PAPPA: variants seen among roughly 807,000 people sequenced by gnomAD.
PAPPA encodes the protein pappalysin-1.
A neutral mutation model predicts 164.0 loss-of-function variants in PAPPA; 60 were observed. The observed-to-expected ratio is 0.37, with a 90% CI of 0.30 to 0.45. The LOEUF is 0.45. Ranked by LOEUF, PAPPA falls within the 20% of genes least tolerant of loss-of-function variation. PAPPA has a pLI of 1.00. For synonymous variants in PAPPA, 875 were observed against 814.1 expected (o/e 1.07, Z -1.27); for missense variants, 1,782 against 2,087.3 (o/e 0.85, Z 2.85).
At chr9:116,208,965 G>C (rs1441371096) in intron 3 of PAPPA, among the ~76,000 whole-genome samples, 1 of 152,108 alleles carries the variant, frequency 6.6e-6, no homozygotes, top group Admixed American at 6.6e-5. Context: ...AGATGTTTTT[G>C]CTTCTTACAA....
chr9:116,218,760 A>G (rs1236787279), intron 4 of PAPPA, among the ~76,000 whole-genome samples: 2 of 152,190 alleles, frequency 1.3e-5, no homozygotes, highest in South Asian at 4.1e-4. Flanking sequence ...ATTGATCAGA[A>G]GCATGGCCTT....
At chr9:116,368,899 T>C (rs1588023415) in intron 19 of PAPPA, among the ~76,000 whole-genome samples, 1 of 152,278 alleles carries the variant, frequency 6.6e-6, no homozygotes, top group South Asian at 2.1e-4. Flanking sequence ...CAGGGCTTAC[T>C]CAGCACTCCG....
intron 1 of PAPPA, among the ~76,000 whole-genome samples, chr9:116,173,315 A>G (rs548720005): frequency 6.6e-6 from 1 of 152,284 alleles, no homozygotes; most frequent in Non-Finnish European, 1.5e-5. Flanking sequence ...TTGTGCTCAC[A>G]TTTCACCCTC....
intron 10 of PAPPA, among the ~76,000 whole-genome samples, chr9:116,303,633 G>T (rs1263604196): frequency 6.6e-6 from 1 of 152,102 alleles, no homozygotes; most frequent in African/African-American, 2.4e-5. Flanking sequence ...TGCCTTCCCC[G>T]AGACTCAAAT....
intron 1 of PAPPA, among the ~76,000 whole-genome samples, chr9:116,168,514 G>A (rs1350317637): frequency 6.6e-6 from 1 of 152,176 alleles, no homozygotes; most frequent in East Asian, 1.9e-4. Flanking sequence ...GAGTGAAAAA[G>A]TGCTCTGAAA....
intron 10 of PAPPA, among the ~76,000 whole-genome samples, chr9:116,329,841 G>A (rs1321147934): frequency 6.6e-6 from 1 of 152,048 alleles, no homozygotes; most frequent in Non-Finnish European, 1.5e-5. Context: ...TATGAATCCA[G>A]TTTATTTCTC....
At chr9:116,360,929 T>C (rs559487995) in intron 17 of PAPPA, among the ~76,000 whole-genome samples, 8 of 152,200 alleles carry the variant, frequency 5.3e-5, no homozygotes, top group African/African-American at 1.2e-4. Context: ...CCATGCAGAA[T>C]TGAGATGGCA....
At chr9:116,329,272 T>G (rs1305649921) in intron 10 of PAPPA, among the ~76,000 whole-genome samples, 1 of 152,180 alleles carries the variant, frequency 6.6e-6, no homozygotes, top group Non-Finnish European at 1.5e-5. Flanking sequence ...CCCACTGTAC[T>G]GAACACATTG....
chr9:116,181,360 C>G (rs1843902969), intron 1 of PAPPA, among the ~76,000 whole-genome samples: 1 of 150,922 alleles, frequency 6.6e-6, no homozygotes, highest in Non-Finnish European at 1.5e-5. Context: ...CTCTTTCTCT[C>G]TCTCTCTCAC....
At chr9:116,330,081 A>C (rs1195626628) in intron 10 of PAPPA, among the ~76,000 whole-genome samples, 1 of 152,016 alleles carries the variant, frequency 6.6e-6, no homozygotes, top group Non-Finnish European at 1.5e-5. Context: ...ACTTTTTTTC[A>C]ATAGCATATG....
At chr9:116,197,339 G>T (rs1057473629) in intron 2 of PAPPA, among the ~76,000 whole-genome samples, 1 of 152,126 alleles carries the variant, frequency 6.6e-6, no homozygotes, top group African/African-American at 2.4e-5. Context: ...GCCTTCAGAG[G>T]ATTGACCAGC....
At chr9:116,240,759 TG>T (rs1463499981) in intron 7 of PAPPA, among the ~76,000 whole-genome samples, 2 of 152,208 alleles carry the variant, frequency 1.3e-5, no homozygotes, top group Non-Finnish European at 2.9e-5. Context: ...GGGGCAAAGC[TG>T]GGGTCTGTAA....
At chr9:116,196,246 T>C (rs193072587) in intron 2 of PAPPA, among the ~76,000 whole-genome samples, 2 of 152,326 alleles carry the variant, frequency 1.3e-5, no homozygotes, top group East Asian at 3.9e-4. Flanking sequence ...TTCATCCCTT[T>C]CCCAAATGTT....
intron 1 of PAPPA, among the ~76,000 whole-genome samples, chr9:116,184,129 A>G (rs1348640540): frequency 6.6e-6 from 1 of 152,130 alleles, no homozygotes; most frequent in East Asian, 1.9e-4. Flanking sequence ...TAGCTGGGAG[A>G]GAGAGAGAAG....
At chr9:116,216,287 G>T (rs1196469410) in intron 4 of PAPPA, among the ~76,000 whole-genome samples, 2 of 152,176 alleles carry the variant, frequency 1.3e-5, no homozygotes, top group Non-Finnish European at 2.9e-5. Context: ...AAATGTGGCT[G>T]ACGGGGGGTC....
chr9:116,163,554 C>G (rs1391517039), intron 1 of PAPPA, among the ~76,000 whole-genome samples: 1 of 152,164 alleles, frequency 6.6e-6, no homozygotes, highest in East Asian at 1.9e-4. Flanking sequence ...ATTATTTGCA[C>G]TAAAGACACT....
rs1391143146 is a variant in PAPPA at position 116,271,167 on chromosome 9, A to G, written c.2862-158A>G. Among the ~76,000 whole-genome samples, 1 of 152,230 alleles carries G rather than the reference A, an allele frequency of 6.6e-6. No individual in the cohort carries two copies. The highest frequency in any genetic ancestry group is 1.5e-5 in the Non-Finnish European group (1 of 68,052). ...TATCTTATAAATCCATACCTTTTAG[A>G]AATCTCATTTTGAAGATGAAGAAGC... is the stretch of plus-strand genomic sequence containing the variant. On this transcript the variant is annotated intron_variant, in intron 8 of 21. Transcript: ENST00000328252. The surrounding 1 kb of genome is among the most constrained non-coding windows in gnomAD (Gnocchi z 4.2).
At chr9:116,199,985 C>T (rs1375518999) in intron 2 of PAPPA, among the ~76,000 whole-genome samples, 1 of 152,150 alleles carries the variant, frequency 6.6e-6, no homozygotes, top group Non-Finnish European at 1.5e-5. Flanking sequence ...CCAAGCCATT[C>T]TTAAGGGATC....
intron 4 of PAPPA, among the ~76,000 whole-genome samples, chr9:116,213,667 T>A (rs1258516282): frequency 6.6e-6 from 1 of 152,012 alleles, no homozygotes; most frequent in Non-Finnish European, 1.5e-5. Context: ...ATAAACTAAA[T>A]CTTTTTTTTT....
Sources: gnomAD v4.1 joint callset for allele counts (sites outside exome capture counted in the v4.1 genomes callset) on GRCh38, gnomAD v4.1.1 for gene constraint, Gnocchi (gnomAD v3.1) non-coding constraint, MANE v1.5 for transcripts, NCBI Gene and HGNC (gene_info 2026-07-23, HGNC 2026-07-21) for gene names.